SLC25A12: variants seen among roughly 807,000 people sequenced by gnomAD.
SLC25A12 encodes solute carrier family 25 member 12.
SLC25A12 carries 32 observed loss-of-function variants against 83.3 expected under a neutral mutation model. The observed-to-expected ratio is 0.38, with a 90% CI of 0.29 to 0.52. The LOEUF (loss-of-function observed/expected upper bound fraction) is 0.52. Ranked by LOEUF, SLC25A12 falls within the 20% of genes least tolerant of loss-of-function variation. SLC25A12 has a pLI of 0.84. For synonymous variants in SLC25A12, 267 were observed against 291.1 expected (o/e 0.92, Z 0.84); for missense variants, 611 against 835.6 (o/e 0.73, Z 3.31).
At chr2:171,822,360 C>T (rs1201325892) in intron 9 of SLC25A12, among the ~76,000 whole-genome samples, 1 of 152,084 alleles carries the variant, frequency 6.6e-6, no homozygotes, top group Non-Finnish European at 1.5e-5. Flanking sequence ...CATAACAATC[C>T]TATAAAGATG....
At chr2:171,889,668 ATTT>A (rs928053136) in intron 2 of SLC25A12, among the ~76,000 whole-genome samples, 2 of 150,840 alleles carry the variant, frequency 1.3e-5, no homozygotes, top group African/African-American at 4.9e-5. Context: ...AAGTAACCAG[ATTT>A]TTTTTTAACT....
chr2:171,871,765 C>T (rs1054498299), intron 2 of SLC25A12: 1 of 983,560 alleles, frequency 1.0e-6, no homozygotes, highest in Non-Finnish European at 1.2e-6. Flanking sequence ...TAGTATTGTT[C>T]CATGGCTTGC....
At chr2:171,880,668 G>C (rs1685672535) in intron 2 of SLC25A12, among the ~76,000 whole-genome samples, 2 of 152,192 alleles carry the variant, frequency 1.3e-5, no homozygotes, top group Non-Finnish European at 2.9e-5. Flanking sequence ...CAGCCAGAGA[G>C]TTTGCATAGT....
intron 6 of SLC25A12, among the ~76,000 whole-genome samples, chr2:171,835,705 G>T (rs1243021744): frequency 5.3e-5 from 8 of 152,178 alleles, no homozygotes. Context: ...GCAAAGAAAT[G>T]CTTATGTAAA....
intron 2 of SLC25A12, among the ~76,000 whole-genome samples, chr2:171,890,836 T>G (rs1030561406): frequency 1.3e-5 from 2 of 152,152 alleles, no homozygotes; most frequent in Non-Finnish European, 2.9e-5. Context: ...AGTATTTACA[T>G]TCTATCACTC....
chr2:171,856,850 TAGG>T (rs1337642069), intron 3 of SLC25A12, among the ~76,000 whole-genome samples: 2 of 152,164 alleles, frequency 1.3e-5, no homozygotes, highest in East Asian at 1.9e-4. Context: ...TCAATGTTTC[TAGG>T]AGGTTTTTTT....
chr2:171,805,461 G>A (rs968993893), intron 13 of SLC25A12, among the ~76,000 whole-genome samples: 3 of 152,164 alleles, frequency 2.0e-5, no homozygotes, highest in Non-Finnish European at 2.9e-5. Flanking sequence ...TATTCAATGA[G>A]TAAGTGAATA....
At chr2:171,847,084 T>C (rs971837924) in intron 4 of SLC25A12, among the ~76,000 whole-genome samples, 1 of 152,210 alleles carries the variant, frequency 6.6e-6, no homozygotes, top group Non-Finnish European at 1.5e-5. Flanking sequence ...GCTTTATATA[T>C]GGTTTTGTTA....
At chr2:171,889,903 C>T (rs995918623) in intron 2 of SLC25A12, among the ~76,000 whole-genome samples, 1 of 152,134 alleles carries the variant, frequency 6.6e-6, no homozygotes, top group Non-Finnish European at 1.5e-5. Flanking sequence ...ACATTAATAT[C>T]CTTAAAGCAC....
chr2:171,848,154 T>G, intron 4 of SLC25A12: 1 of 471,094 alleles, frequency 2.1e-6, no homozygotes, highest in Non-Finnish European at 4.4e-6. Context: ...TTGTTCACCT[T>G]TCTGCAGTAC....
intron 13 of SLC25A12, among the ~76,000 whole-genome samples, chr2:171,796,483 CAATT>C (rs945278634): frequency 2.0e-5 from 3 of 151,858 alleles, no homozygotes; most frequent in Non-Finnish European, 4.4e-5. Context: ...AAACTTCTGA[CAATT>C]AATGATTTGT....
intron 2 of SLC25A12, among the ~76,000 whole-genome samples, chr2:171,876,421 AATCT>A (rs1180347224): frequency 6.6e-6 from 1 of 152,136 alleles, no homozygotes; most frequent in Non-Finnish European, 1.5e-5. Flanking sequence ...CTGAAACTAG[AATCT>A]ATCTACCCAC....
At chr2:171,881,074 T>C (rs1480775334) in intron 2 of SLC25A12, among the ~76,000 whole-genome samples, 1 of 152,202 alleles carries the variant, frequency 6.6e-6, no homozygotes, top group African/African-American at 2.4e-5. Flanking sequence ...GCCTGATACA[T>C]AACAGTGACA....
At chr2:171,882,481 A>AG (rs1685718281) in intron 2 of SLC25A12, among the ~76,000 whole-genome samples, 1 of 152,250 alleles carries the variant, frequency 6.6e-6, no homozygotes, top group Admixed American at 6.5e-5. Context: ...GGGATGCTCC[A>AG]CATGGCAAAG....
intron 9 of SLC25A12, among the ~76,000 whole-genome samples, chr2:171,824,245 G>T (rs1684253589): frequency 6.6e-6 from 1 of 152,220 alleles, no homozygotes; most frequent in African/African-American, 2.4e-5. Context: ...TCTTGAATCT[G>T]TCTTAAAAAG....
intron 9 of SLC25A12, among the ~76,000 whole-genome samples, chr2:171,817,600 CAAAAAAAAAAAAA>C (rs71013076): frequency 3.1e-5 from 2 of 64,258 alleles, no homozygotes; most frequent in East Asian, 1.1e-3. Flanking sequence ...GACTCTGCCT[CAAAAAAAAAAAAA>C]AAAAAAAAAA....
At chr2:171,816,976 G>A (rs2105867049) in intron 9 of SLC25A12, among the ~76,000 whole-genome samples, 1 of 152,246 alleles carries the variant, frequency 6.6e-6, no homozygotes, top group South Asian at 2.1e-4. Context: ...TCATGAAAAT[G>A]GAGCCCTCAT....
intron 9 of SLC25A12, among the ~76,000 whole-genome samples, chr2:171,821,903 T>A (rs1002199033): frequency 2.6e-4 from 39 of 152,218 alleles, no homozygotes; most frequent in African/African-American, 9.2e-4. Context: ...AATCTCTGCC[T>A]ATCTCCAGAT....
intron 2 of SLC25A12, among the ~76,000 whole-genome samples, chr2:171,884,747 C>G (rs941981784): frequency 7.9e-5 from 12 of 150,946 alleles, no homozygotes; most frequent in Admixed American, 5.3e-4. Context: ...TGCACTCCAG[C>G]CTGGGCAACA....
Sources: gnomAD v4.1 joint callset for allele counts (sites outside exome capture counted in the v4.1 genomes callset) on GRCh38, gnomAD v4.1.1 for gene constraint, MANE v1.5 for transcripts, NCBI Gene and HGNC (gene_info 2026-07-23, HGNC 2026-07-21) for gene names.